The following PRKAR1A variants were observed in gnomAD, a reference collection of about 807,000 sequenced individuals.
PRKAR1A encodes protein kinase cAMP-dependent type I regulatory subunit alpha, also known as cAMP-dependent protein kinase type I-alpha regulatory subunit.
PRKAR1A carries 3 observed loss-of-function variants against 52.0 expected under a neutral mutation model. That is an observed-to-expected ratio of 0.06 (90% CI 0.03 to 0.15). The LOEUF is 0.15. PRKAR1A is among the 10% of genes least tolerant of loss of function. The pLI, the probability that PRKAR1A is intolerant of heterozygous loss-of-function variation, is 1.00. For missense variants in PRKAR1A, 240 were observed against 477.4 expected, an observed-to-expected ratio of 0.50 and a Z score of 4.63; for synonymous variants, 188 against 168.4, an observed-to-expected ratio of 1.12 and a Z score of -0.90.
chr17:68,486,574 T>C, the PRKAR1A span, among the ~76,000 whole-genome samples: 1 of 148,022 alleles, frequency 6.8e-6, no homozygotes, highest in Admixed American at 6.9e-5. Flanking sequence ...TCTTTCTTCT[T>C]TCCTTCCTTC....
At chr17:68,428,243 T>TA in the PRKAR1A span, 3 of 151,654 alleles carry the variant, frequency 2.0e-5, no homozygotes, top group African/African-American at 7.3e-5. Flanking sequence ...TTTTTTTTTT[T>TA]ATTTTGAGAC....
At chr17:68,436,984 A>T in the PRKAR1A span, among the ~76,000 whole-genome samples, 1 of 118,482 alleles carries the variant, frequency 8.4e-6, no homozygotes, top group African/African-American at 3.4e-5. Flanking sequence ...ACAGAGTGAG[A>T]CCCCGTCTCA....
chr17:68,541,011 G>A (rs769408961), intron 11 of PRKAR1A: 17 of 1,549,228 alleles, frequency 1.1e-5, no homozygotes, highest in South Asian at 5.9e-5. Context: ...GCAGGGTGTC[G>A]GGGGTCTCCC....
intron 11 of PRKAR1A, chr17:68,539,213 A>G (rs915189341): frequency 2.4e-6 from 2 of 849,332 alleles, no homozygotes; most frequent in Non-Finnish European, 4.0e-6. Flanking sequence ...AAGGTGATTC[A>G]TGTCATTCTA....
chr17:68,429,061 C>G, the PRKAR1A span: 1 of 684,152 alleles, frequency 1.5e-6, no homozygotes, highest in Non-Finnish European at 2.6e-6. Context: ...CCTTAGCCCA[C>G]TGATCTGGTC....
At chr17:68,457,538 TCCCCA>T in the PRKAR1A span, 645 of 217,306 alleles carry the variant, frequency 3.0e-3, 13 homozygotes, top group African/African-American at 5.2e-3. Context: ...CCCCGCCCCG[TCCCCA>T]CCCCGCCCCT....
chr17:68,474,848 T>G, the PRKAR1A span, among the ~76,000 whole-genome samples: 1 of 152,054 alleles, frequency 6.6e-6, no homozygotes, highest in African/African-American at 2.4e-5. Context: ...GCCACTGCAC[T>G]CCAGCCTGGC....
the PRKAR1A span, among the ~76,000 whole-genome samples, chr17:68,449,101 G>A: frequency 6.6e-6 from 1 of 152,138 alleles, no homozygotes; most frequent in Non-Finnish European, 1.5e-5. Context: ...AAATTAATTA[G>A]TACTTAAGAG....
intron 2 of PRKAR1A, 38 bp from the exon 3 acceptor site, chr17:68,522,718 C>A (rs140147647): frequency 1.9e-6 from 3 of 1,610,266 alleles, no homozygotes; most frequent in South Asian, 2.2e-5. Context: ...CTTTACATGC[C>A]GAAGGATCTC....
chr17:68,466,498 G>A, the PRKAR1A span, among the ~76,000 whole-genome samples: 1 of 137,496 alleles, frequency 7.3e-6, no homozygotes, highest in African/African-American at 2.8e-5. Flanking sequence ...TGCAATTTCT[G>A]CCTCCCAGGT....
the PRKAR1A span, among the ~76,000 whole-genome samples, chr17:68,451,113 C>T: frequency 5.3e-5 from 8 of 152,352 alleles, no homozygotes; most frequent in African/African-American, 1.9e-4. Context: ...CTTTCAGAGT[C>T]CTTTCCAAAT....
At chr17:68,429,066 C>G in the PRKAR1A span, 8 of 656,522 alleles carry the variant, frequency 1.2e-5, no homozygotes, top group Non-Finnish European at 2.1e-5. Flanking sequence ...GCCCACTGAT[C>G]TGGTCTGGGC....
chr17:68,523,843 A>AT, intron 4 of PRKAR1A, 27 bp downstream of exon 4: 1 of 1,606,056 alleles, frequency 6.2e-7, no homozygotes, highest in Non-Finnish European at 8.5e-7. Context: ...TCTTAACACT[A>AT]TTTTTCAAGT....
At chr17:68,457,512 TCCTG>T in the PRKAR1A span, 15 of 1,057,468 alleles carry the variant, frequency 1.4e-5, no homozygotes, top group African/African-American at 1.2e-4. Flanking sequence ...GGGTCGCCGG[TCCTG>T]CCCCGCCCCT....
At position 68,531,709 on chromosome 17, in the gene PRKAR1A, CT is replaced by C. The variant is rs1002539682; in HGVS notation, c.*1263del. The C allele has an allele frequency of 1.1e-5, 12 of 1,061,846 alleles. No homozygotes were observed. The highest frequency in any genetic ancestry group is 1.4e-5 in the Non-Finnish European group (12 of 876,136). The allele number at this position is 1,061,846 out of a possible 1,614,324, so 65.8% of individuals were successfully genotyped here. A position where few individuals can be genotyped will look rare whatever the true frequency, so the allele number is the denominator to read the frequency against. ...GCATTTATTTCTCTGGCAAACTTTT[CT>C]TTCTTTTCTTTTTTAAAGTAAACTT... On this transcript the variant is annotated 3_prime_UTR_variant, in exon 11 of 11. Transcript: ENST00000589228.
the PRKAR1A span, chr17:68,420,428 C>A: frequency 6.2e-7 from 1 of 1,614,176 alleles, no homozygotes; most frequent in Non-Finnish European, 8.5e-7. Flanking sequence ...CTGCTGTAAT[C>A]CCTACCAAAT....
Position 68,530,460 on chromosome 17 carries a change from C to T in PRKAR1A, c.*11C>T. ...TCACTGTCTGTCTGAAATCTGCCTC[C>T]TGTGCCTCCCTTTTCTCCTCTCCCC... is the stretch of plus-strand genomic sequence containing the variant. On this transcript the variant is annotated 3_prime_UTR_variant, in exon 11 of 11. Transcript: ENST00000589228. 1 of 1,614,030 alleles carries T rather than the reference C, an allele frequency of 6.2e-7. No individual in the cohort carries two copies. Among genetic ancestry groups the T allele is most frequent in the Non-Finnish European group, 8.5e-7 (1 of 1,179,908 alleles).
chr17:68,430,708 C>T, the PRKAR1A span, among the ~76,000 whole-genome samples: 272 of 152,308 alleles, frequency 1.8e-3, 1 homozygote, highest in African/African-American at 5.7e-3. Context: ...CCTGGGATGT[C>T]GCCTACAGTC....
chr17:68,478,841 C>T, the PRKAR1A span, among the ~76,000 whole-genome samples: 1 of 152,050 alleles, frequency 6.6e-6, no homozygotes, highest in African/African-American at 2.4e-5. Flanking sequence ...AATTCTTCTG[C>T]CTCAGCCTCC....
Sources: allele counts gnomAD v4.1 joint callset (sites outside exome capture counted in the v4.1 genomes callset), GRCh38; gene constraint gnomAD v4.1.1; transcripts MANE v1.5; gene names NCBI Gene and HGNC (gene_info 2026-07-23, HGNC 2026-07-21).